Variants in NBEAL1 observed in about 807,000 individuals in gnomAD.
NBEAL1 encodes neurobeachin like 1, also known as neurobeachin-like protein 1.
NBEAL1 carries 273 observed loss-of-function variants against 351.3 expected under a neutral mutation model. The observed-to-expected ratio is 0.78, with a 90% CI of 0.70 to 0.86. The LOEUF (loss-of-function observed/expected upper bound fraction) is 0.86. Among genes scored for constraint, NBEAL1 ranks in the 40% least tolerant of loss-of-function variants. NBEAL1 has a pLI of 0.00. For missense variants in NBEAL1, 2,961 were observed against 3,201.3 expected (o/e 0.92, Z 1.81); for synonymous variants, 1,050 against 1,086.4 (o/e 0.97, Z 0.66).
At chr2:203,184,098 AAGAAAC>A (rs1559046013) in intron 44 of NBEAL1, among the ~76,000 whole-genome samples, 2 of 146,224 alleles carry the variant, frequency 1.4e-5, no homozygotes, top group Admixed American at 6.8e-5. Flanking sequence ...AAAAAAAAAA[AAGAAAC>A]AAACAAAAAA....
At chr2:203,066,625 C>T (rs1281559814) in intron 6 of NBEAL1, among the ~76,000 whole-genome samples, 4 of 152,248 alleles carry the variant, frequency 2.6e-5, no homozygotes, top group East Asian at 1.9e-4. Context: ...CCAGACGGGA[C>T]GGGGCGGCCT....
chr2:203,154,230 C>A (rs1249405623), intron 35 of NBEAL1, among the ~76,000 whole-genome samples: 4 of 142,120 alleles, frequency 2.8e-5, no homozygotes, highest in Admixed American at 2.8e-4. Flanking sequence ...AGCCAGACCC[C>A]GTCTCAAAAA....
intron 24 of NBEAL1, 144 bp from the exon 25 acceptor site, chr2:203,130,174 T>C (rs1188958480): frequency 6.1e-6 from 5 of 815,586 alleles, no homozygotes; most frequent in Non-Finnish European, 8.9e-6. Context: ...AAGAATTTTT[T>C]TAAAAAGACA....
At chr2:203,112,913 A>G (rs1032151368) in intron 16 of NBEAL1, 102 bp from the exon 17 acceptor site, 2 of 1,113,598 alleles carry the variant, frequency 1.8e-6, no homozygotes, top group African/African-American at 3.2e-5. Context: ...TTTTCAATGT[A>G]TTTATTTGTG....
At chr2:203,095,511 G>A (rs1425106602) in intron 10 of NBEAL1, among the ~76,000 whole-genome samples, 2 of 151,962 alleles carry the variant, frequency 1.3e-5, no homozygotes, top group Admixed American at 6.6e-5. Context: ...GGCTGGTCTC[G>A]AACTCCTGAC....
intron 10 of NBEAL1, 114 bp downstream of exon 10, chr2:203,084,683 T>G: frequency 3.9e-6 from 2 of 508,498 alleles, no homozygotes; most frequent in Non-Finnish European, 6.7e-6. Flanking sequence ...TCTGTTTGCA[T>G]TTAATTACAT....
At chr2:203,197,181 T>A (rs1344257408) in intron 47 of NBEAL1, 121 bp from the exon 48 acceptor site, 1 of 548,458 alleles carries the variant, frequency 1.8e-6, no homozygotes, top group Non-Finnish European at 3.3e-6. Flanking sequence ...ATTGATTAGA[T>A]GTTTCAAGAG....
chr2:203,033,214 A>T (rs2106022496), intron 2 of NBEAL1, among the ~76,000 whole-genome samples: 1 of 151,354 alleles, frequency 6.6e-6, no homozygotes, highest in South Asian at 2.1e-4. Flanking sequence ...GTTAGCCAGG[A>T]TGGTCTCGAT....
At chr2:203,119,183 T>TA (rs1173194753) in intron 18 of NBEAL1, among the ~76,000 whole-genome samples, 1 of 151,230 alleles carries the variant, frequency 6.6e-6, no homozygotes, top group Non-Finnish European at 1.5e-5. Context: ...TTTTTTTTTT[T>TA]AAAGACAGGG....
intron 3 of NBEAL1, among the ~76,000 whole-genome samples, chr2:203,048,318 G>T (rs932116728): frequency 6.7e-6 from 1 of 149,766 alleles, no homozygotes; most frequent in African/African-American, 2.5e-5. Context: ...GGAGGCGGAG[G>T]TTGCAGTGAG....
intron 35 of NBEAL1, among the ~76,000 whole-genome samples, chr2:203,157,026 A>G (rs961752225): frequency 6.6e-6 from 1 of 152,186 alleles, no homozygotes; most frequent in Non-Finnish European, 1.5e-5. Flanking sequence ...CTTGTGATGA[A>G]GTCTCCATTT....
At chr2:203,179,672 A>C (rs919684109) in intron 42 of NBEAL1, among the ~76,000 whole-genome samples, 1 of 152,150 alleles carries the variant, frequency 6.6e-6, no homozygotes, top group Non-Finnish European at 1.5e-5. Context: ...GTTCCTATAG[A>C]TCTATTAACC....
intron 24 of NBEAL1, 103 bp downstream of exon 24, chr2:203,128,040 A>C: frequency 1.2e-6 from 1 of 866,742 alleles, no homozygotes; most frequent in Non-Finnish European, 1.8e-6. Context: ...TGAGAGTAAA[A>C]TATGTGTAGT....
At chr2:203,117,978 C>T (rs957873401) in intron 18 of NBEAL1, among the ~76,000 whole-genome samples, 1 of 152,118 alleles carries the variant, frequency 6.6e-6, no homozygotes, top group Non-Finnish European at 1.5e-5. Context: ...AATGAGCCAC[C>T]GTGTCTGGCC....
chr2:203,137,219 G>T (rs1256208467), intron 29 of NBEAL1, among the ~76,000 whole-genome samples: 3 of 152,182 alleles, frequency 2.0e-5, no homozygotes, highest in Non-Finnish European at 4.4e-5. Context: ...AGCCCAGGAT[G>T]GCTTTGAATG....
In NBEAL1 at chr2:203,217,977, A is replaced by G. The variant is rs774497954; in HGVS notation, c.*623A>G. The G allele has an allele frequency of 2.8e-5, 25 of 899,492 alleles. No homozygotes were observed. Among genetic ancestry groups the G allele is most frequent in the Non-Finnish European group, 3.3e-5 (25 of 751,736 alleles). The allele number at this position is 899,492 out of a possible 1,614,324, so 55.7% of individuals were successfully genotyped here. Reference sequence around the variant, plus strand: ...TTACTGTCCTTAATAAAAATTGAGTAGAAAAAAGTGGAACTAGAGATACAT... The same window carrying G: ...TTACTGTCCTTAATAAAAATTGAGTGGAAAAAAGTGGAACTAGAGATACAT... On this transcript the variant is annotated 3_prime_UTR_variant, in exon 56 of 56. Transcript: ENST00000683969.
At chr2:203,161,440 C>T (rs924591540) in intron 36 of NBEAL1, among the ~76,000 whole-genome samples, 1 of 151,224 alleles carries the variant, frequency 6.6e-6, no homozygotes, top group Non-Finnish European at 1.5e-5. Flanking sequence ...ATCATCCTGG[C>T]CAACATGGTG....
intron 43 of NBEAL1, chr2:203,181,249 A>G (rs988009327): frequency 6.6e-6 from 1 of 151,922 alleles, no homozygotes; most frequent in Non-Finnish European, 1.5e-5. Context: ...TTTTTGTGTC[A>G]TAGAAGGTTT....
chr2:203,133,126 A>G lies in NBEAL1; in HGVS notation c.3793A>G (p.Arg1265Gly), dbSNP rs1342458653. Residue 1265 changes from arginine (R) to glycine (G), a missense_variant, in exon 27 of 56, where the codon AGA becomes GGA. Arg to Gly is a moderately radical substitution (Grantham distance 125). Coordinates refer to ENST00000683969, the MANE Select transcript of NBEAL1 (RefSeq NM_001378026.1). ...YISHRAHINV[R>G]VAICRKVLQI... Reference sequence around the variant, plus strand: ...ATCTCACAGAGCACATATAAATGTTAGAGTGGCCATCTGCAGAAAGGTCAG... The same window carrying G: ...ATCTCACAGAGCACATATAAATGTTGGAGTGGCCATCTGCAGAAAGGTCAG... The G allele has an allele frequency of 6.7e-7, 1 of 1,497,838 alleles. No homozygotes were observed. Among genetic ancestry groups the G allele is most frequent in the Non-Finnish European group, 9.1e-7 (1 of 1,104,756 alleles). The allele number at this position is 1,497,838 out of a possible 1,614,324, so 92.8% of individuals were successfully genotyped here.
Sources: gnomAD v4.1 joint callset for allele counts (sites outside exome capture counted in the v4.1 genomes callset) on GRCh38, gnomAD v4.1.1 for gene constraint, MANE v1.5 for transcripts, NCBI Gene and HGNC (gene_info 2026-07-23, HGNC 2026-07-21) for gene names.